Variants in CTNNA3 observed in about 807,000 individuals in gnomAD.
The protein encoded by CTNNA3 is catenin alpha-3.
Under a neutral mutation model 95.7 loss-of-function variants are expected in CTNNA3, and 76 were observed. That is an observed-to-expected ratio of 0.79 (90% CI 0.66 to 0.96). The LOEUF is 0.96. Among genes scored for constraint, CTNNA3 ranks in the 40% least tolerant of loss-of-function variants. The pLI is 0.00. For missense variants in CTNNA3, 1,191 were observed against 1,089.8 expected (o/e 1.09, Z -1.31); for synonymous variants, 431 against 374.4 (o/e 1.15, Z -1.74).
intron 13 of CTNNA3, among the ~76,000 whole-genome samples, chr10:66,114,480 A>G (rs149449449): frequency 0.011 from 1,657 of 148,126 alleles, 26 homozygotes; most frequent in African/African-American, 0.038. Flanking sequence ...GCGTATATGT[A>G]TATATGTGTA....
At chr10:67,163,357 A>C (rs576229799) in intron 7 of CTNNA3, among the ~76,000 whole-genome samples, 20 of 152,156 alleles carry the variant, frequency 1.3e-4, no homozygotes, top group Admixed American at 9.8e-4. Context: ...ACTAAACAAG[A>C]AAAATCATAT....
At chr10:66,982,590 G>A (rs1850502839) in intron 7 of CTNNA3, among the ~76,000 whole-genome samples, 1 of 152,100 alleles carries the variant, frequency 6.6e-6, no homozygotes, top group Non-Finnish European at 1.5e-5. Flanking sequence ...GAATAAAACA[G>A]TAGGTACTGA....
chr10:67,133,804 G>T (rs1860157051), intron 7 of CTNNA3, among the ~76,000 whole-genome samples: 1 of 152,088 alleles, frequency 6.6e-6, no homozygotes, highest in Non-Finnish European at 1.5e-5. Flanking sequence ...TTGAGCATCT[G>T]TAGGCATTGT....
At chr10:66,767,091 T>C (rs1839890036) in intron 8 of CTNNA3, among the ~76,000 whole-genome samples, 2 of 152,208 alleles carry the variant, frequency 1.3e-5, no homozygotes, top group Admixed American at 1.3e-4. Flanking sequence ...AGATATTTTC[T>C]GAGATTTAAA....
chr10:66,470,897 A>G (rs1389684713), intron 11 of CTNNA3, among the ~76,000 whole-genome samples: 1 of 151,924 alleles, frequency 6.6e-6, no homozygotes, highest in African/African-American at 2.4e-5. Context: ...GAGCAAGACA[A>G]TTTCAAGAAA....
intron 13 of CTNNA3, among the ~76,000 whole-genome samples, chr10:66,121,091 C>A (rs1262911775): frequency 6.6e-6 from 1 of 152,166 alleles, no homozygotes; most frequent in African/African-American, 2.4e-5. Flanking sequence ...GCAACTGAAG[C>A]TAGGAAACAA....
intron 10 of CTNNA3, among the ~76,000 whole-genome samples, chr10:66,575,597 C>G (rs988632590): frequency 6.6e-6 from 1 of 152,162 alleles, no homozygotes; most frequent in Admixed American, 6.6e-5. Flanking sequence ...GGTAAAATAA[C>G]TTGCCCCATA....
In CTNNA3 at chr10:67,741,507, C is replaced by T. The variant is rs775455817; in HGVS notation, c.-2+21927G>A. Among the ~76,000 whole-genome samples, 7 of 150,776 alleles carry T rather than the reference C, an allele frequency of 4.6e-5. 1 individual carries two copies. The highest frequency in any genetic ancestry group is 1.0e-4 in the Non-Finnish European group (7 of 67,588). ...GCCCTAAAACAGCTCCTGAAGGAAG[C>T]ACTAAACATGGAAAGGAACAACTGG... On this transcript the variant is annotated intron_variant, in intron 1 of 17. Coordinates refer to the CTNNA3 transcript ENST00000684154.
At chr10:66,685,252 CGTATATATGTGT>C (rs1437631441) in intron 9 of CTNNA3, among the ~76,000 whole-genome samples, 4 of 96,182 alleles carry the variant, frequency 4.2e-5, no homozygotes, top group Admixed American at 2.5e-4. Context: ...TGTATATATA[CGTATATATGTGT>C]GTATATATAC....
Position 67,417,665 on chromosome 10 carries a change from A to ATTTAAATCCAATTTAAATTGG in CTNNA3, c.579+104156_579+104176dup, listed in dbSNP as rs773529154. Among the ~76,000 whole-genome samples the ATTTAAATCCAATTTAAATTGG allele has an allele frequency of 1.8e-3, 268 of 152,212 alleles. 3 individuals are homozygous for ATTTAAATCCAATTTAAATTGG. The highest frequency in any genetic ancestry group is 6.2e-3 in the African/African-American group (256 of 41,524). Reference sequence around the variant, plus strand: ...TTCATTCATATACAAATCCAATTAAATTTAAATCCAATTTAAATTGGTTTA... The same window carrying ATTTAAATCCAATTTAAATTGG: ...TTCATTCATATACAAATCCAATTAAATTTAAATCCAATTTAAATTGGTTTAAATCCAATTTAAATTGGTTTA... On this transcript the variant is annotated intron_variant, in intron 5 of 17. Transcript: ENST00000433211.
intron 5 of CTNNA3, among the ~76,000 whole-genome samples, chr10:67,356,104 A>G (rs1842798593): frequency 1.3e-5 from 2 of 151,814 alleles, no homozygotes; most frequent in African/African-American, 4.8e-5. Flanking sequence ...CCTTAATTTC[A>G]CCCTGTCTTC....
intron 13 of CTNNA3, among the ~76,000 whole-genome samples, chr10:66,175,833 CAA>C (rs2085678047): frequency 6.6e-6 from 1 of 152,212 alleles, no homozygotes; most frequent in East Asian, 1.9e-4. Context: ...TGCCTCATAA[CAA>C]AAGAATTATC....
intron 9 of CTNNA3, among the ~76,000 whole-genome samples, chr10:66,670,077 T>C (rs1846604030): frequency 6.6e-6 from 1 of 152,136 alleles, no homozygotes; most frequent in Admixed American, 6.5e-5. Context: ...TCCCTAAACA[T>C]TCTTTAAGGT....
At chr10:66,976,481 A>C (rs967524601) in intron 7 of CTNNA3, among the ~76,000 whole-genome samples, 1 of 152,178 alleles carries the variant, frequency 6.6e-6, no homozygotes. Context: ...AGATTACTCC[A>C]ATAGCCTCAT....
chr10:67,750,607 T>C lies in CTNNA3; in HGVS notation c.-2+12827A>G, dbSNP rs544079387. The C allele has an allele frequency of 1.3e-4, 204 of 1,553,826 alleles. No homozygotes were observed. The African/African-American group carries it at 1.8e-3, about 14-fold the overall frequency. On this transcript the variant is annotated intron_variant, in intron 1 of 17. Transcript: ENST00000684154. ...TGAAGCTGAGTTATCTGGATGTCTA[T>C]CTTATTCACTAGCACAGGGATACAA...
At chr10:67,092,276 G>C (rs959288178) in intron 7 of CTNNA3, among the ~76,000 whole-genome samples, 2 of 151,760 alleles carry the variant, frequency 1.3e-5, no homozygotes, top group African/African-American at 2.4e-5. Context: ...TGATATATGA[G>C]GAGAGCATGA....
chr10:67,503,981 C>T (rs1032073478), intron 5 of CTNNA3, among the ~76,000 whole-genome samples: 5 of 150,824 alleles, frequency 3.3e-5, no homozygotes, highest in Non-Finnish European at 5.9e-5. Flanking sequence ...CATGGTGAAA[C>T]CCCGTCTCTA....
At chr10:67,680,072 T>C (rs899867803) in intron 1 of CTNNA3, among the ~76,000 whole-genome samples, 1 of 152,190 alleles carries the variant, frequency 6.6e-6, no homozygotes, top group African/African-American at 2.4e-5. Context: ...TAGAATCTAA[T>C]TGGATGTCAA....
At chr10:65,940,728 C>T (rs1297594143) in intron 17 of CTNNA3, among the ~76,000 whole-genome samples, 1 of 152,042 alleles carries the variant, frequency 6.6e-6, no homozygotes, top group Non-Finnish European at 1.5e-5. Context: ...GAGGGATTTT[C>T]AGATTCCCAG....
Sources: allele counts gnomAD v4.1 joint callset (sites outside exome capture counted in the v4.1 genomes callset), GRCh38; gene constraint gnomAD v4.1.1; transcripts MANE v1.5; gene names NCBI Gene and HGNC (gene_info 2026-07-23, HGNC 2026-07-21).